Variants in TTYH3 observed in about 807,000 individuals in gnomAD.
TTYH3 encodes the protein tweety family member 3, also known as protein tweety homolog 3.
TTYH3 carries 23 observed loss-of-function variants against 68.2 expected under a neutral mutation model. The observed-to-expected ratio is 0.34, with a 90% CI of 0.24 to 0.48. The LOEUF (loss-of-function observed/expected upper bound fraction) is 0.48, where lower values mean the gene tolerates loss of function less well. TTYH3 is among the 20% of genes least tolerant of loss of function. The pLI, the probability that TTYH3 is intolerant of heterozygous loss-of-function variation, is 0.99. For missense variants in TTYH3, 768 were observed against 727.7 expected (o/e 1.06, Z -0.64); for synonymous variants, 360 against 332.8 (o/e 1.08, Z -0.89).
intron 11 of TTYH3, among the ~76,000 whole-genome samples, chr7:2,657,773 C>T (rs1037350793): frequency 2.6e-5 from 4 of 152,218 alleles, no homozygotes; most frequent in African/African-American, 9.6e-5. Flanking sequence ...GTGCTTGCTG[C>T]CAGGCAGCCC....
At chr7:2,658,771 C>T (rs571216962) in intron 12 of TTYH3, among the ~76,000 whole-genome samples, 169 bp from the exon 13 acceptor site, 2 of 152,312 alleles carry the variant, frequency 1.3e-5, no homozygotes, top group South Asian at 4.1e-4. Context: ...GCAGGGGTCT[C>T]TCTGTGGGCC....
chr7:2,637,329 CG>C (rs1785706482), intron 1 of TTYH3, among the ~76,000 whole-genome samples: 1 of 152,144 alleles, frequency 6.6e-6, no homozygotes. Context: ...CAGGCCACGG[CG>C]GCTCTCCCCG....
chr7:2,634,148 G>A (rs1441593809), intron 1 of TTYH3, among the ~76,000 whole-genome samples: 1 of 152,164 alleles, frequency 6.6e-6, no homozygotes, highest in Non-Finnish European at 1.5e-5. Context: ...AAACCGGCCT[G>A]CCTCCATCCC....
chr7:2,632,830 G>T (rs1162643790), intron 1 of TTYH3, among the ~76,000 whole-genome samples: 4 of 152,240 alleles, frequency 2.6e-5, no homozygotes, highest in African/African-American at 9.6e-5. Flanking sequence ...GGCCTGGGCC[G>T]CCGCCAGCCC....
At chr7:2,635,634 G>A (rs1232060365) in intron 1 of TTYH3, among the ~76,000 whole-genome samples, 1 of 152,180 alleles carries the variant, frequency 6.6e-6, no homozygotes, top group South Asian at 2.1e-4. Context: ...TTGCAAGCCC[G>A]GCTGCCGACA....
rs972619572 is a variant in TTYH3 at position 2,662,314 on chromosome 7, C to G, written c.*575C>G. 1.3e-5 allele frequency: 2 copies of G among 157,080 alleles called. No individual in the cohort carries two copies. Among genetic ancestry groups the G allele is most frequent in the Non-Finnish European group, 2.8e-5 (2 of 71,258 alleles). 9.7% of individuals were successfully genotyped at this position (157,080 alleles called of 1,614,324 possible). ...CCACCCACAGGCTCACCCCTCCTGC[C>G]GGCTGCCAGAGGCCCCCTCCAGCAG... On this transcript the variant is annotated 3_prime_UTR_variant, in exon 14 of 14. Coordinates refer to ENST00000258796, the MANE Select transcript of TTYH3 (RefSeq NM_025250.3).
chr7:2,632,509 C>T (rs1371627564), intron 1 of TTYH3, among the ~76,000 whole-genome samples: 4 of 152,020 alleles, frequency 2.6e-5, no homozygotes, highest in Non-Finnish European at 4.4e-5. Flanking sequence ...GGTCTAAATA[C>T]CCTCCAACCC....
chr7:2,654,867 C>G (rs1185954999), intron 9 of TTYH3, among the ~76,000 whole-genome samples: 2 of 152,168 alleles, frequency 1.3e-5, no homozygotes, highest in Non-Finnish European at 2.9e-5. Context: ...TCACCGCAAC[C>G]TCTGCCTTCT....
chr7:2,656,002 G>A, intron 9 of TTYH3, 90 bp from the exon 10 acceptor site: 1 of 1,035,062 alleles, frequency 9.7e-7, no homozygotes, highest in Non-Finnish European at 1.4e-6. Flanking sequence ...GGGCTGGAGG[G>A]AGACCTGGGG....
At chr7:2,652,413 C>T (rs1175548216) in intron 8 of TTYH3, among the ~76,000 whole-genome samples, 171 bp downstream of exon 8, 1 of 152,196 alleles carries the variant, frequency 6.6e-6, no homozygotes, top group Non-Finnish European at 1.5e-5. Flanking sequence ...CCTGGGGTTA[C>T]CATGCCGGTG....
intron 13 of TTYH3, 61 bp downstream of exon 13, chr7:2,659,076 A>G (rs1786419825): frequency 6.6e-7 from 1 of 1,525,294 alleles, no homozygotes; most frequent in Non-Finnish European, 9.1e-7. Context: ...CCGCTGTTCC[A>G]CTGCGTCGGT....
rs144704313 is a variant in TTYH3 at position 2,633,533 on chromosome 7, C to T, written c.123+1255C>T. ...CCAGACACAGCAGGGAGGAGGGAGG[C>T]GGAAGGATTGGTATAAAATCTCACG... On this transcript the variant is annotated intron_variant, in intron 1 of 13. Transcript: ENST00000258796. Among the ~76,000 whole-genome samples the T allele has an allele frequency of 8.7e-4, 132 of 152,284 alleles. 3 individuals are homozygous for T. In the East Asian group the frequency reaches 0.019, roughly 22 times the overall value.
In TTYH3 at chr7:2,642,706, C is replaced by T. The variant is rs370437515; in HGVS notation, c.124-4147C>T. Among the ~76,000 whole-genome samples, 11 of 150,832 alleles carry T rather than the reference C, an allele frequency of 7.3e-5. 1 individual carries two copies. In the East Asian group the frequency reaches 1.4e-3, roughly 19 times the overall value. On this transcript the variant is annotated intron_variant, in intron 1 of 13. Coordinates refer to ENST00000258796, the MANE Select transcript of TTYH3 (RefSeq NM_025250.3). Reference sequence around the variant, plus strand: ...TCGTGCCACTGCACTCCAGCCTGGGCCACAGAGCAAGACCCTGTCTCTAAA... The same window carrying T: ...TCGTGCCACTGCACTCCAGCCTGGGTCACAGAGCAAGACCCTGTCTCTAAA...
chr7:2,659,888 ACACT>A, intron 13 of TTYH3: 6 of 1,274,202 alleles, frequency 4.7e-6, no homozygotes, highest in East Asian at 5.8e-5. Flanking sequence ...CGTTGAGGCC[ACACT>A]CTCTCTCTCT....
chr7:2,639,702 C>T (rs549584836), intron 1 of TTYH3, among the ~76,000 whole-genome samples: 8 of 152,334 alleles, frequency 5.3e-5, no homozygotes, highest in African/African-American at 1.2e-4. Context: ...GCTGTGTGGC[C>T]GTTACCATAT....
chr7:2,632,020 G>GGCCGA lies in TTYH3; in HGVS notation c.-132_-131insAGCCG. 2 of 713,140 alleles carry GGCCGA rather than the reference G, an allele frequency of 2.8e-6. No individual in the cohort carries two copies. The highest frequency in any genetic ancestry group is 3.6e-6 in the Non-Finnish European group (2 of 563,008). 44.2% of individuals were successfully genotyped at this position (713,140 alleles called of 1,614,324 possible). ...AGCGCAGCCGAGCCGGGCCGAGCCG[G>GGCCGA]GCCGGGCCGGGCCCAGGAGCGCGCG... On this transcript the variant is annotated 5_prime_UTR_variant, in exon 1 of 14. Coordinates refer to ENST00000258796, the MANE Select transcript of TTYH3 (RefSeq NM_025250.3).
chr7:2,651,599 T>C (rs1372730202), intron 7 of TTYH3, among the ~76,000 whole-genome samples: 2 of 152,326 alleles, frequency 1.3e-5, no homozygotes, highest in Non-Finnish European at 2.9e-5. Flanking sequence ...CACGTAAGTG[T>C]GAGCTCCAGC....
chr7:2,655,395 C>T (rs1312342865), intron 9 of TTYH3, among the ~76,000 whole-genome samples: 1 of 152,244 alleles, frequency 6.6e-6, no homozygotes, highest in Non-Finnish European at 1.5e-5. Flanking sequence ...ATCCACCCAC[C>T]TTGGCCTCCC....
rs1216760949 is a variant in TTYH3 at position 2,659,878 on chromosome 7, C to T, written c.1500+863C>T. Reference sequence around the variant, plus strand: ...GCCCACTCCTGGCCCCACACCCTGGCGTTGAGGCCACACTCTCTCTCTCTC... The same window carrying T: ...GCCCACTCCTGGCCCCACACCCTGGTGTTGAGGCCACACTCTCTCTCTCTC... On this transcript the variant is annotated intron_variant, in intron 13 of 13. Transcript: ENST00000258796. The T allele has an allele frequency of 1.1e-5, 14 of 1,274,684 alleles. No individual in the cohort carries two copies. In the South Asian group the frequency reaches 1.2e-4, roughly 11 times the overall value. 79.0% of individuals were successfully genotyped at this position (1,274,684 alleles called of 1,614,324 possible).
Sources: gnomAD v4.1 joint callset for allele counts (sites outside exome capture counted in the v4.1 genomes callset) on GRCh38, gnomAD v4.1.1 for gene constraint, MANE v1.5 for transcripts, NCBI Gene and HGNC (gene_info 2026-07-23, HGNC 2026-07-21) for gene names.